CDC42BPA: variants seen among roughly 807,000 people sequenced by gnomAD.
CDC42BPA encodes the protein serine/threonine-protein kinase MRCK alpha.
A neutral mutation model predicts 223.5 loss-of-function variants in CDC42BPA; 80 were observed. The observed-to-expected ratio is 0.36, with a 90% CI of 0.30 to 0.43. The LOEUF (loss-of-function observed/expected upper bound fraction) is 0.43. Ranked by LOEUF, CDC42BPA falls within the 20% of genes least tolerant of loss-of-function variation. The probability of loss-of-function intolerance (pLI) is 1.00; values close to 1 mark genes in which losing one functional copy is unlikely to be tolerated. For synonymous variants in CDC42BPA, 694 were observed against 718.6 expected, an observed-to-expected ratio of 0.97 and a Z score of 0.55; for missense variants, 1,743 against 2,099.9, an observed-to-expected ratio of 0.83 and a Z score of 3.32.
At chr1:227,067,642 CTT>C (rs1379159762) in intron 21 of CDC42BPA, among the ~76,000 whole-genome samples, 1 of 152,064 alleles carries the variant, frequency 6.6e-6, no homozygotes, top group Admixed American at 6.5e-5. Flanking sequence ...TAGCAAAACA[CTT>C]TGTTTAGAAT....
chr1:227,084,845 G>A (rs10127638), intron 16 of CDC42BPA, among the ~76,000 whole-genome samples: 25,619 of 149,342 alleles, frequency 0.17, 2,306 homozygotes, highest in Non-Finnish European at 0.19. Flanking sequence ...GGGTGTCTCT[G>A]CGTAACACTT....
intron 5 of CDC42BPA, among the ~76,000 whole-genome samples, chr1:227,180,789 T>G (rs1470321293): frequency 6.6e-6 from 1 of 152,216 alleles, no homozygotes; most frequent in Non-Finnish European, 1.5e-5. Flanking sequence ...AAACTTAGTT[T>G]TTCTTTCTTG....
Position 227,029,064 on chromosome 1 carries a change from C to T in CDC42BPA, c.4025G>A (p.Gly1342Glu), listed in dbSNP as rs1668768255. Residue 1342 changes from glycine (G) to glutamate (E), a missense_variant, in exon 30 of 37, where the codon GGA (glycine) becomes GAA (glutamate). Coordinates refer to ENST00000366766, the MANE Select transcript of CDC42BPA (RefSeq NM_001394014.1). ...ETKGCQTVTS[G>E]KVRHGALTCL... The stretch of plus-strand genomic sequence containing the variant: ...TGTGAGAGCTCCATGGCGCACCTTT[C>T]CAGAAGTTACGGTTTGACACCCTTT... 1.2e-6 allele frequency: 2 copies of T among 1,614,038 alleles called. No homozygotes were observed. Among genetic ancestry groups the T allele is most frequent in the Non-Finnish European group, 1.7e-6 (2 of 1,180,026 alleles).
At chr1:227,013,587 T>C (rs534780031) in intron 34 of CDC42BPA, among the ~76,000 whole-genome samples, 2 of 152,248 alleles carry the variant, frequency 1.3e-5, no homozygotes, top group East Asian at 3.9e-4. Flanking sequence ...AGAAGGATAC[T>C]AAGCAGAGTA....
rs747795245 is a variant in CDC42BPA at position 227,254,109 on chromosome 1, T to G, written c.225A>C (p.Glu75Asp). Residue 75 changes from glutamate to aspartate, a missense_variant, in exon 2 of 37, where the codon GAA (glutamate) becomes GAC (aspartate). Physicochemically the swap from Glu to Asp is conservative, Grantham distance 45. Coordinates refer to ENST00000366766, the MANE Select transcript of CDC42BPA (RefSeq NM_001394014.1). ...SKVKQMRLHREDFEILKVIGR... is the reference protein window; with the variant it reads ...SKVKQMRLHRDDFEILKVIGR... ...CAATCACCTTTAATATTTCAAAGTC[T>G]TCTCTATGTAATCGCATTTGTTTCA... 5 of 1,602,352 alleles carry G rather than the reference T, an allele frequency of 3.1e-6. No individual in the cohort carries two copies. In the South Asian group the frequency reaches 3.3e-5, roughly 11 times the overall value.
intron 5 of CDC42BPA, among the ~76,000 whole-genome samples, chr1:227,164,028 A>G (rs1324756794): frequency 8.5e-5 from 13 of 152,178 alleles, no homozygotes; most frequent in Admixed American, 8.5e-4. Context: ...AGGACTCTCA[A>G]GAAGAGCAAA....
At chr1:227,115,165 G>A (rs1350470181) in intron 12 of CDC42BPA, among the ~76,000 whole-genome samples, 1 of 151,758 alleles carries the variant, frequency 6.6e-6, no homozygotes, top group Non-Finnish European at 1.5e-5. Flanking sequence ...TTTTGAGAAG[G>A]GAAGAAAGGA....
intron 16 of CDC42BPA, among the ~76,000 whole-genome samples, chr1:227,088,581 T>C (rs1398055831): frequency 1.3e-5 from 2 of 152,214 alleles, no homozygotes; most frequent in African/African-American, 4.8e-5. Context: ...TTTGAAAATA[T>C]TTTAAAAACA....
At position 227,317,202 on chromosome 1, in the gene CDC42BPA, G is replaced by A; in HGVS notation, c.-20C>T. On this transcript the variant is annotated 5_prime_UTR_variant, in exon 1 of 37. Coordinates refer to ENST00000366766, the MANE Select transcript of CDC42BPA (RefSeq NM_001394014.1). ...AGACATGTTTGCTTCGATTTCTGCTGGTTTTCCTTTAAATTATTATGATGA... is the reference window on the plus strand; with the variant it reads ...AGACATGTTTGCTTCGATTTCTGCTAGTTTTCCTTTAAATTATTATGATGA... 1 of 1,585,902 alleles carries A rather than the reference G, an allele frequency of 6.3e-7. No homozygotes were observed. Among genetic ancestry groups the A allele is most frequent in the Non-Finnish European group, 8.6e-7 (1 of 1,167,280 alleles).
At chr1:227,137,042 G>A (rs953649467) in intron 10 of CDC42BPA, among the ~76,000 whole-genome samples, 6 of 152,092 alleles carry the variant, frequency 3.9e-5, no homozygotes, top group East Asian at 1.9e-4. Flanking sequence ...AGCAACAATG[G>A]AGTAAAAGTG....
chr1:227,088,064 G>A (rs1029042521), intron 16 of CDC42BPA, among the ~76,000 whole-genome samples: 6 of 152,148 alleles, frequency 3.9e-5, no homozygotes, highest in Non-Finnish European at 5.9e-5. Context: ...ATGTGGAATC[G>A]GTTAGAAAAA....
At chr1:227,034,607 A>C in intron 26 of CDC42BPA, 48 bp downstream of exon 26, 1 of 1,521,510 alleles carries the variant, frequency 6.6e-7, no homozygotes, top group Non-Finnish European at 8.9e-7. Context: ...GAAACTTTAA[A>C]ATTCCTATGT....
chr1:227,003,455 T>G (rs1663311340), intron 35 of CDC42BPA, among the ~76,000 whole-genome samples: 1 of 152,174 alleles, frequency 6.6e-6, no homozygotes, highest in Non-Finnish European at 1.5e-5. Flanking sequence ...GCCAAGAACA[T>G]TCTTCCCCAA....
chr1:227,059,225 C>T lies in CDC42BPA; in HGVS notation c.2905-7240G>A, dbSNP rs556304226. ...CATAAACAAAAACATAAAAGCAGCA[C>T]AGCAACAGCAGGAGCAGCAGCACAA... On this transcript the variant is annotated intron_variant, in intron 21 of 36. Transcript: ENST00000366766. The T allele has an allele frequency of 2.5e-5, 17 of 668,214 alleles. No homozygotes were observed. In the South Asian group the frequency reaches 3.5e-4, roughly 14 times the overall value. 41.4% of individuals were successfully genotyped at this position (668,214 alleles called of 1,614,324 possible). A position where few individuals can be genotyped will look rare whatever the true frequency, so the allele number is the denominator to read the frequency against.
At chr1:227,125,942 T>A (rs1490669195) in intron 11 of CDC42BPA, among the ~76,000 whole-genome samples, 1 of 152,114 alleles carries the variant, frequency 6.6e-6, no homozygotes, top group Non-Finnish European at 1.5e-5. Context: ...TTATGTTGCC[T>A]CAGCATCCAC....
At chr1:227,175,378 A>G (rs1241800260) in intron 5 of CDC42BPA, among the ~76,000 whole-genome samples, 1 of 152,052 alleles carries the variant, frequency 6.6e-6, no homozygotes, top group Non-Finnish European at 1.5e-5. Flanking sequence ...ATATCCACTG[A>G]GTACAATAGA....
At chr1:227,100,663 C>T (rs35156994) in intron 15 of CDC42BPA, among the ~76,000 whole-genome samples, 20,646 of 151,550 alleles carry the variant, frequency 0.14, 1,863 homozygotes, top group South Asian at 0.34. Flanking sequence ...GCTTGAACTC[C>T]TGGGCTCAAG....
intron 16 of CDC42BPA, among the ~76,000 whole-genome samples, chr1:227,085,805 T>C (rs1026171647): frequency 2.6e-5 from 4 of 152,228 alleles, no homozygotes; most frequent in Admixed American, 6.5e-5. Flanking sequence ...TCTGAAAATA[T>C]AGTTTACCAG....
chr1:227,112,182 T>C lies in CDC42BPA; in HGVS notation c.2001+130A>G, dbSNP rs545573781. ...AGCTTCCTACTGGTAAGAACGAGAA[T>C]TATGAATAGTAGGTTTGAAGAAAGG... On this transcript the variant is annotated intron_variant, in intron 14 of 36. Transcript: ENST00000366766. 6.2e-6 allele frequency: 3 copies of C among 487,110 alleles called. No homozygotes were observed. In the East Asian group the frequency reaches 9.4e-5, roughly 15 times the overall value. 30.2% of individuals were successfully genotyped at this position (487,110 alleles called of 1,614,324 possible).
Sources: allele counts gnomAD v4.1 joint callset (sites outside exome capture counted in the v4.1 genomes callset), GRCh38; gene constraint gnomAD v4.1.1; transcripts MANE v1.5; gene names NCBI Gene and HGNC (gene_info 2026-07-23, HGNC 2026-07-21).